ACTN4: variants seen among roughly 807,000 people sequenced by gnomAD.
The protein encoded by ACTN4 is actinin alpha 4.
Under a neutral mutation model 114.2 loss-of-function variants are expected in ACTN4, and 18 were observed. That is an observed-to-expected ratio of 0.16 (90% confidence interval 0.11 to 0.23). The LOEUF (loss-of-function observed/expected upper bound fraction) is 0.23. ACTN4 is among the 10% of genes least tolerant of loss of function. ACTN4 has a pLI of 1.00. For synonymous variants in ACTN4, 515 were observed against 506.3 expected (o/e 1.02, Z -0.23); for missense variants, 722 against 1,262.9 (o/e 0.57, Z 6.49).
At chr19:38,680,120 C>A (rs1028360770) in intron 1 of ACTN4, among the ~76,000 whole-genome samples, 7 of 151,994 alleles carry the variant, frequency 4.6e-5, no homozygotes, top group African/African-American at 9.7e-5. Context: ...GCATCTCTCT[C>A]CCCTATCAGA....
rs1219938061 is a variant in ACTN4 at position 38,730,928 on chromosome 19, A to G, written c.*1496A>G. 1.9e-6 allele frequency: 3 copies of G among 1,550,412 alleles called. No homozygotes were observed. The African/African-American group carries it at 4.1e-5, about 21-fold the overall frequency. On this transcript the variant is annotated 3_prime_UTR_variant, in exon 21 of 21. Transcript: ENST00000252699. ...GCTTGAGGCAGGGAGCTCGCAGGACAGAGCCTGAGCCACCCTGTCCCTCCC... is the reference window on the plus strand; with the variant it reads ...GCTTGAGGCAGGGAGCTCGCAGGACGGAGCCTGAGCCACCCTGTCCCTCCC...
At chr19:38,662,704 ACAGCT>A (rs1385248976) in intron 1 of ACTN4, among the ~76,000 whole-genome samples, 1 of 152,214 alleles carries the variant, frequency 6.6e-6, no homozygotes, top group Non-Finnish European at 1.5e-5. Context: ...CGTTTGGGAC[ACAGCT>A]GTAAGTTTCC....
Position 38,694,951 on chromosome 19 carries a change from T to TGCA in ACTN4, c.163-5648_163-5646dup, listed in dbSNP as rs530784256. Among the ~76,000 whole-genome samples, 198 of 152,342 alleles carry TGCA rather than the reference T, an allele frequency of 1.3e-3. 4 individuals are homozygous for TGCA. In the South Asian group the frequency reaches 0.027, roughly 21 times the overall value. On this transcript the variant is annotated intron_variant, in intron 1 of 20. Coordinates refer to ENST00000252699, the MANE Select transcript of ACTN4 (RefSeq NM_004924.6). ...GTGCACTAACACAATCTCAGCTTACTGCAACCTCTGCCTCTCAGGCACAAG... is the reference window on the plus strand; with the variant it reads ...GTGCACTAACACAATCTCAGCTTACTGCAGCAACCTCTGCCTCTCAGGCACAAG...
In ACTN4 at chr19:38,647,673, G is replaced by A. The variant is rs1007098578; in HGVS notation, c.-73G>A. ...TGAAGCAGCTGAAGCGGCGGTAGCG[G>A]CGGCGGCTCGGGCAGAGGGGCGGGA... On this transcript the variant is annotated 5_prime_UTR_variant, in exon 1 of 21. Coordinates refer to ENST00000252699, the MANE Select transcript of ACTN4 (RefSeq NM_004924.6). 4 of 1,483,568 alleles carry A rather than the reference G, an allele frequency of 2.7e-6. No individual in the cohort carries two copies. The highest frequency in any genetic ancestry group is 2.9e-5 in the African/African-American group (2 of 68,046). The allele number at this position is 1,483,568 out of a possible 1,614,324, so 91.9% of individuals were successfully genotyped here. A position where few individuals can be genotyped will look rare whatever the true frequency, so the allele number is the denominator to read the frequency against.
At position 38,730,742 on chromosome 19, in the gene ACTN4, C is replaced by A; in HGVS notation, c.*1310C>A. 7.2e-7 allele frequency: 1 copy of A among 1,380,630 alleles called. No individual in the cohort carries two copies. The allele number at this position is 1,380,630 out of a possible 1,614,324, so 85.5% of individuals were successfully genotyped here. On this transcript the variant is annotated 3_prime_UTR_variant, in exon 21 of 21. Coordinates refer to ENST00000252699, the MANE Select transcript of ACTN4 (RefSeq NM_004924.6). The stretch of plus-strand genomic sequence containing the variant: ...TGAGCAGTGAGGGCCAGAGACTAGC[C>A]CCAGACAGGTGGATGCCAGAGAGAG...
Position 38,730,923 on chromosome 19 carries a change from A to C in ACTN4, c.*1491A>C, listed in dbSNP as rs768953197. On this transcript the variant is annotated 3_prime_UTR_variant, in exon 21 of 21. Transcript: ENST00000252699. ...CAGTGGCTTGAGGCAGGGAGCTCGCAGGACAGAGCCTGAGCCACCCTGTCC... is the reference window on the plus strand; with the variant it reads ...CAGTGGCTTGAGGCAGGGAGCTCGCCGGACAGAGCCTGAGCCACCCTGTCC... 1 of 1,550,524 alleles carries C rather than the reference A, an allele frequency of 6.4e-7. No homozygotes were observed. The highest frequency in any genetic ancestry group is 1.2e-5 in the South Asian group (1 of 84,068).
chr19:38,711,452 C>CCCACGG, intron 8 of ACTN4: 1 of 653,388 alleles, frequency 1.5e-6, no homozygotes, highest in Non-Finnish European at 1.9e-6. Flanking sequence ...GTGGTTGGAG[C>CCCACGG]CCTGGCCAGG....
At chr19:38,718,809 C>T (rs1415867088) in intron 11 of ACTN4, among the ~76,000 whole-genome samples, 1 of 152,230 alleles carries the variant, frequency 6.6e-6, no homozygotes, top group Non-Finnish European at 1.5e-5. Context: ...AGTCGGCTTC[C>T]CTCTCCCACA....
chr19:38,716,630 A>C (rs77309670), intron 9 of ACTN4, among the ~76,000 whole-genome samples: 1,747 of 152,360 alleles, frequency 0.011, 31 homozygotes, highest in African/African-American at 0.04. Context: ...TCAGGAGCTC[A>C]AGACCAGCCT....
intron 7 of ACTN4, among the ~76,000 whole-genome samples, chr19:38,709,895 T>A (rs1193831081): frequency 6.6e-6 from 1 of 152,176 alleles, no homozygotes; most frequent in East Asian, 1.9e-4. Flanking sequence ...GTTTTTTCCT[T>A]TTCCGGCTTT....
Position 38,731,368 on chromosome 19 carries a change from C to CTGAT in ACTN4, c.*1937_*1940dup. The stretch of plus-strand genomic sequence containing the variant: ...CCCATCCCGGCAGGGTGAGTACAGG[C>CTGAT]TGATCCCTTCAATCCTCTGGGCCTG... On this transcript the variant is annotated 3_prime_UTR_variant, in exon 21 of 21. Transcript: ENST00000252699. 2 of 662,474 alleles carry CTGAT rather than the reference C, an allele frequency of 3.0e-6. No individual in the cohort carries two copies. The highest frequency in any genetic ancestry group is 5.5e-6 in the Non-Finnish European group (2 of 366,802). 41.0% of individuals were successfully genotyped at this position (662,474 alleles called of 1,614,324 possible). A position where few individuals can be genotyped will look rare whatever the true frequency, so the allele number is the denominator to read the frequency against.
At position 38,727,150 on chromosome 19, in the gene ACTN4, G is replaced by T. The variant is rs867500192; in HGVS notation, c.2337+47G>T. On this transcript the variant is annotated intron_variant, in intron 18 of 20. Transcript: ENST00000252699. The surrounding 1 kb of genome is among the most constrained non-coding windows in gnomAD (Gnocchi z 5.4). ...CGGCCTCTCCCCTCCCGCCGTTGCC[G>T]TACCAGCCCACACCTTCGTCTCTGC... 2 of 1,612,618 alleles carry T rather than the reference G, an allele frequency of 1.2e-6. No individual in the cohort carries two copies. Among genetic ancestry groups the T allele is most frequent in the African/African-American group, 2.7e-5 (2 of 74,882 alleles).
chr19:38,677,734 T>C (rs1967425457), intron 1 of ACTN4, among the ~76,000 whole-genome samples: 1 of 152,152 alleles, frequency 6.6e-6, no homozygotes, highest in Non-Finnish European at 1.5e-5. Context: ...GATGCGATGC[T>C]TTTCTTTTTT....
chr19:38,688,411 A>AAC (rs1017381382), intron 1 of ACTN4, among the ~76,000 whole-genome samples: 2 of 148,592 alleles, frequency 1.3e-5, no homozygotes, highest in African/African-American at 2.5e-5. Context: ...AAAAAAAAAA[A>AAC]CCCACAAAAA....
At chr19:38,669,789 G>A (rs1418632352) in intron 1 of ACTN4, among the ~76,000 whole-genome samples, 1 of 152,110 alleles carries the variant, frequency 6.6e-6, no homozygotes, top group Non-Finnish European at 1.5e-5. Context: ...GCAGCCCTGG[G>A]ATTTTGTTAT....
At chr19:38,679,890 G>A (rs972691870) in intron 1 of ACTN4, among the ~76,000 whole-genome samples, 2 of 152,096 alleles carry the variant, frequency 1.3e-5, no homozygotes, top group African/African-American at 4.8e-5. Context: ...TGGCTTCCTT[G>A]ACATCACAGT....
chr19:38,672,971 C>G (rs1394702875), intron 1 of ACTN4, among the ~76,000 whole-genome samples: 1 of 133,744 alleles, frequency 7.5e-6, no homozygotes, highest in Non-Finnish European at 1.5e-5. Flanking sequence ...TGGAGACAGT[C>G]TCACTCTGTC....
chr19:38,693,544 C>G (rs941555026), intron 1 of ACTN4: 14 of 151,998 alleles, frequency 9.2e-5, no homozygotes, highest in African/African-American at 3.4e-4. Flanking sequence ...CTGTGTCTGC[C>G]GAATGTTTGT....
chr19:38,678,773 G>C (rs540965341), intron 1 of ACTN4, among the ~76,000 whole-genome samples: 2 of 152,262 alleles, frequency 1.3e-5, no homozygotes, highest in Admixed American at 1.3e-4. Flanking sequence ...GCCACTGTGT[G>C]TTACCCCAAG....
Sources: allele counts gnomAD v4.1 joint callset (sites outside exome capture counted in the v4.1 genomes callset), GRCh38; gene constraint gnomAD v4.1.1; non-coding constraint Gnocchi (gnomAD v3.1); transcripts MANE v1.5; gene names NCBI Gene and HGNC (gene_info 2026-07-23, HGNC 2026-07-21).